The following ZNF254 variants were observed in gnomAD, a reference collection of about 807,000 sequenced individuals.
The protein encoded by ZNF254 is CTD-2017D11.1.
A neutral mutation model predicts 12.4 loss-of-function variants in ZNF254; 10 were observed. That is an observed-to-expected ratio of 0.80 (90% CI 0.50 to 1.36). ZNF254 has a LOEUF of 1.36. ZNF254 is among the 40% of genes most tolerant of loss of function. ZNF254 has a pLI of 0.00. For synonymous variants in ZNF254, 305 were observed against 253.4 expected (o/e 1.20, Z -1.93); for missense variants, 996 against 763.9 (o/e 1.30, Z -3.58).
intron 2 of ZNF254, among the ~76,000 whole-genome samples, chr19:24,076,250 T>C (rs748376272): frequency 6.6e-6 from 1 of 152,192 alleles, no homozygotes; most frequent in East Asian, 1.9e-4. Context: ...TGTTCAGAGA[T>C]TGCAGTAAAG....
chr19:24,099,806 G>C (rs904254502), intron 1 of ZNF254, among the ~76,000 whole-genome samples: 4 of 152,074 alleles, frequency 2.6e-5, no homozygotes, highest in Admixed American at 2.0e-4. Context: ...TAATACATGT[G>C]ATATTCAGAT....
Position 24,073,560 on chromosome 19 carries a change from T to C in ZNF254, c.-94+27281T>C, listed in dbSNP as rs544709605. Among the ~76,000 whole-genome samples, 144 of 152,296 alleles carry C rather than the reference T, an allele frequency of 9.5e-4. 1 individual carries two copies. The highest frequency in any genetic ancestry group is 3.4e-3 in the African/African-American group (140 of 41,558). ...ATGCACACCCAGCCGACAGTAAAGA[T>C]TGTCATCTTTCCACATGAATACAGC... On this transcript the variant is annotated intron_variant, in intron 2 of 4. Transcript: ENST00000613065.
chr19:24,048,724 C>T (rs1374682409), intron 2 of ZNF254, among the ~76,000 whole-genome samples: 6 of 151,770 alleles, frequency 4.0e-5, no homozygotes, highest in Admixed American at 3.3e-4. Context: ...CTCTCTCATG[C>T]TCCTTCCTGT....
intron 3 of ZNF254, among the ~76,000 whole-genome samples, chr19:24,121,782 C>T (rs191164504): frequency 1.9e-3 from 284 of 152,174 alleles, no homozygotes; most frequent in African/African-American, 6.1e-3. Context: ...GTCTTGAACT[C>T]CTGACCTCAT....
chr19:24,082,033 G>T (rs1458512198), intron 2 of ZNF254, among the ~76,000 whole-genome samples: 2 of 151,632 alleles, frequency 1.3e-5, no homozygotes, highest in Non-Finnish European at 2.9e-5. Flanking sequence ...TGAGGCATGA[G>T]AATCACTTGA....
intron 2 of ZNF254, among the ~76,000 whole-genome samples, chr19:24,050,145 GTAT>G (rs768382045): frequency 3.3e-5 from 5 of 151,836 alleles, no homozygotes; most frequent in Admixed American, 6.6e-5. Flanking sequence ...TTTATTTATT[GTAT>G]TATATTTTAT....
At chr19:24,115,843 C>T (rs770070062) in intron 3 of ZNF254, among the ~76,000 whole-genome samples, 6 of 152,038 alleles carry the variant, frequency 3.9e-5, no homozygotes, top group Non-Finnish European at 8.8e-5. Flanking sequence ...CCGGTTGTTC[C>T]TTTCTGTGTT....
intron 2 of ZNF254, among the ~76,000 whole-genome samples, chr19:24,053,645 G>C (rs540297873): frequency 6.6e-6 from 1 of 152,134 alleles, no homozygotes; most frequent in Non-Finnish European, 1.5e-5. Context: ...AACCTAGGTC[G>C]TGTGACTCTC....
At chr19:24,064,539 T>A (rs577847493) in intron 2 of ZNF254, 7 of 152,196 alleles carry the variant, frequency 4.6e-5, no homozygotes, top group South Asian at 2.1e-4. Context: ...TTTTTGTTTG[T>A]TTTTGAGATG....
intron 1 of ZNF254, among the ~76,000 whole-genome samples, chr19:24,044,593 A>G (rs1362720800): frequency 1.3e-5 from 2 of 152,120 alleles, no homozygotes; most frequent in Non-Finnish European, 2.9e-5. Context: ...GTATATTCTT[A>G]TATTGATTCG....
intron 1 of ZNF254, among the ~76,000 whole-genome samples, chr19:24,036,486 A>T (rs968165378): frequency 6.6e-6 from 1 of 152,158 alleles, no homozygotes; most frequent in African/African-American, 2.4e-5. Flanking sequence ...TGTGACTGGG[A>T]TCTGCAGTGG....
chr19:24,088,805 C>T (rs1362630144), intron 1 of ZNF254, among the ~76,000 whole-genome samples: 1 of 151,604 alleles, frequency 6.6e-6, no homozygotes, highest in South Asian at 2.1e-4. Context: ...TATAGGCGCC[C>T]GCCCCCACGC....
chr19:24,121,189 A>G (rs1204972144), intron 3 of ZNF254, among the ~76,000 whole-genome samples: 3 of 152,152 alleles, frequency 2.0e-5, no homozygotes, highest in Non-Finnish European at 4.4e-5. Flanking sequence ...TTGTTTTACT[A>G]CATCAAAATT....
chr19:24,049,239 T>C (rs1306684606), intron 2 of ZNF254, among the ~76,000 whole-genome samples: 2 of 139,646 alleles, frequency 1.4e-5, no homozygotes, highest in East Asian at 4.1e-4. Flanking sequence ...TTAATTTATT[T>C]ATTATTTTTT....
chr19:24,035,814 C>CA (rs752577212), intron 1 of ZNF254, among the ~76,000 whole-genome samples: 17 of 151,816 alleles, frequency 1.1e-4, no homozygotes, highest in Middle Eastern at 3.4e-3. Flanking sequence ...GTTTATAAGG[C>CA]AAAAAAATAG....
At chr19:24,041,510 C>T (rs996304136) in intron 1 of ZNF254, among the ~76,000 whole-genome samples, 3 of 152,256 alleles carry the variant, frequency 2.0e-5, no homozygotes, top group African/African-American at 7.2e-5. Flanking sequence ...GGCCCACCGG[C>T]GCTACGCTCG....
intron 3 of ZNF254, among the ~76,000 whole-genome samples, chr19:24,111,049 C>T (rs1300104425): frequency 2.0e-5 from 3 of 151,360 alleles, no homozygotes; most frequent in Non-Finnish European, 4.4e-5. Context: ...TGTGCTGCAC[C>T]CATTAGCTCG....
At chr19:24,087,692 C>T (rs1277588039) in intron 1 of ZNF254, among the ~76,000 whole-genome samples, 3 of 152,074 alleles carry the variant, frequency 2.0e-5, no homozygotes, top group Non-Finnish European at 4.4e-5. Flanking sequence ...CTGTGGGGTT[C>T]CCAGGCCCTC....
At chr19:24,033,763 G>A (rs928968647) in intron 1 of ZNF254, 1 of 203,936 alleles carries the variant, frequency 4.9e-6, no homozygotes, top group Admixed American at 6.0e-5. Flanking sequence ...CCGCAAGATG[G>A]CGGCTGGGCC....
Sources: gnomAD v4.1 joint callset for allele counts (sites outside exome capture counted in the v4.1 genomes callset) on GRCh38, gnomAD v4.1.1 for gene constraint, MANE v1.5 for transcripts, NCBI Gene and HGNC (gene_info 2026-07-23, HGNC 2026-07-21) for gene names.